The following PAWR variants were observed in gnomAD, a reference collection of about 807,000 sequenced individuals.
The protein encoded by PAWR is PRKC apoptosis WT1 regulator protein.
Under a neutral mutation model 32.0 loss-of-function variants are expected in PAWR, and 23 were observed. The observed-to-expected ratio is 0.72, with a 90% CI of 0.52 to 1.02. PAWR has a LOEUF of 1.02. Among genes scored for constraint, PAWR ranks in the 50% least tolerant of loss-of-function variants. The probability of loss-of-function intolerance (pLI) is 0.00; values close to 1 mark genes in which losing one functional copy is unlikely to be tolerated. For synonymous variants in PAWR, 226 were observed against 187.1 expected (o/e 1.21, Z -1.70); for missense variants, 457 against 437.7 (o/e 1.04, Z -0.39).
At chr12:79,611,249 A>ATT (rs1406254995) in intron 4 of PAWR, among the ~76,000 whole-genome samples, 2 of 146,462 alleles carry the variant, frequency 1.4e-5, no homozygotes, top group Non-Finnish European at 3.0e-5. Flanking sequence ...TACAGTATAT[A>ATT]TTATATATAT....
intron 2 of PAWR, among the ~76,000 whole-genome samples, chr12:79,638,188 T>C (rs1163634168): frequency 6.6e-6 from 1 of 152,082 alleles, no homozygotes; most frequent in Non-Finnish European, 1.5e-5. Context: ...TGTGTAAGAT[T>C]GGTCTCACCC....
chr12:79,643,127 C>T (rs1876409827), intron 2 of PAWR, among the ~76,000 whole-genome samples: 2 of 152,116 alleles, frequency 1.3e-5, no homozygotes, highest in African/African-American at 4.8e-5. Context: ...GTAACAAGAA[C>T]CACCATTTAT....
intron 2 of PAWR, among the ~76,000 whole-genome samples, chr12:79,665,816 G>A (rs1251376772): frequency 1.3e-5 from 2 of 152,118 alleles, no homozygotes; most frequent in South Asian, 2.1e-4. Flanking sequence ...AATTAGTTGA[G>A]TTTTATAAAA....
chr12:79,604,608 C>T, intron 4 of PAWR: 1 of 1,281,218 alleles, frequency 7.8e-7, no homozygotes, highest in South Asian at 1.3e-5. Flanking sequence ...TAACCAACAA[C>T]TACTTAACTG....
At chr12:79,664,213 G>C (rs1207851832) in intron 2 of PAWR, among the ~76,000 whole-genome samples, 17 of 152,052 alleles carry the variant, frequency 1.1e-4, no homozygotes, top group Admixed American at 1.1e-3. Flanking sequence ...CAAGGGTTGA[G>C]ACTGCAACTA....
intron 2 of PAWR, among the ~76,000 whole-genome samples, chr12:79,658,983 A>AG (rs1038210074): frequency 6.6e-6 from 1 of 151,946 alleles, no homozygotes; most frequent in African/African-American, 2.4e-5. Context: ...AAAAAAAAAA[A>AG]AAAAAGAAAA....
intron 2 of PAWR, among the ~76,000 whole-genome samples, chr12:79,638,473 C>T (rs1487361066): frequency 6.6e-6 from 1 of 151,946 alleles, no homozygotes; most frequent in Non-Finnish European, 1.5e-5. Flanking sequence ...CCCTGTGGTT[C>T]TATAAAAGAA....
intron 2 of PAWR, among the ~76,000 whole-genome samples, chr12:79,645,069 A>ACACACACACACACAC (rs1220453183): frequency 2.7e-3 from 341 of 124,790 alleles, no homozygotes; most frequent in East Asian, 3.8e-3. Context: ...CACACACACA[A>ACACACACACACACAC]AAATCAATGT....
At chr12:79,648,824 C>T (rs1179691296) in intron 2 of PAWR, among the ~76,000 whole-genome samples, 3 of 151,366 alleles carry the variant, frequency 2.0e-5, no homozygotes, top group Non-Finnish European at 4.4e-5. Flanking sequence ...CCTAAAAGGT[C>T]GTTTAGCAAT....
intron 2 of PAWR, among the ~76,000 whole-genome samples, chr12:79,657,738 G>A (rs1285790733): frequency 1.3e-5 from 2 of 151,802 alleles, no homozygotes; most frequent in Non-Finnish European, 2.9e-5. Context: ...AGCTTGCAGT[G>A]AGCCGAGATC....
At chr12:79,683,521 T>C (rs1219547957) in intron 2 of PAWR, among the ~76,000 whole-genome samples, 1 of 152,108 alleles carries the variant, frequency 6.6e-6, no homozygotes, top group African/African-American at 2.4e-5. Flanking sequence ...GCAAAAGTGA[T>C]ACTGGTAGAG....
chr12:79,593,701 GTTT>G (rs537217082), intron 6 of PAWR, among the ~76,000 whole-genome samples: 4 of 126,800 alleles, frequency 3.2e-5, no homozygotes, highest in Admixed American at 7.9e-5. Flanking sequence ...CAATTTTAGG[GTTT>G]TTTTTTTTTT....
At chr12:79,624,681 C>A (rs369537336) in intron 2 of PAWR, among the ~76,000 whole-genome samples, 21 of 152,250 alleles carry the variant, frequency 1.4e-4, no homozygotes, top group African/African-American at 5.1e-4. Context: ...GGGATAAATA[C>A]ATCTGGAGGA....
At chr12:79,627,518 A>C (rs1166979192) in intron 2 of PAWR, among the ~76,000 whole-genome samples, 8 of 152,088 alleles carry the variant, frequency 5.3e-5, no homozygotes, top group Non-Finnish European at 1.2e-4. Context: ...AGGTTGCAAA[A>C]ATTTTCTCCC....
chr12:79,625,798 C>T (rs1452063108), intron 2 of PAWR, among the ~76,000 whole-genome samples: 5 of 150,886 alleles, frequency 3.3e-5, no homozygotes, highest in South Asian at 2.1e-4. Context: ...CCAGCCTGGG[C>T]GACAGAGTGA....
chr12:79,609,784 C>T (rs148681698), intron 4 of PAWR, among the ~76,000 whole-genome samples: 163 of 152,290 alleles, frequency 1.1e-3, no homozygotes, highest in African/African-American at 3.2e-3. Context: ...GTCATACTGA[C>T]CCTCTGCTCT....
At position 79,645,069 on chromosome 12, in the gene PAWR, A is replaced by C. The variant is rs11114200; in HGVS notation, c.517-23862T>G. 2.5e-3 allele frequency among the ~76,000 whole-genome samples: 316 copies of C among 124,766 alleles called. 3 individuals carry two copies. The highest frequency in any genetic ancestry group is 3.8e-3 in the South Asian group (17 of 4,444). 81.9% of individuals were successfully genotyped at this position (124,766 alleles called of 152,430 possible). ...ACACACACACACACACACACACACA[A>C]AAATCAATGTGGAATAGGAAATGAG... On this transcript the variant is annotated intron_variant, in intron 2 of 6. Coordinates refer to ENST00000328827, the MANE Select transcript of PAWR (RefSeq NM_002583.4).
intron 3 of PAWR, among the ~76,000 whole-genome samples, chr12:79,618,369 T>A (rs180942709): frequency 6.6e-6 from 1 of 152,290 alleles, no homozygotes; most frequent in East Asian, 1.9e-4. Context: ...CATCAAGTGG[T>A]CCACCCACTT....
intron 2 of PAWR, among the ~76,000 whole-genome samples, chr12:79,662,037 A>G (rs1202558357): frequency 7.2e-5 from 11 of 152,168 alleles, no homozygotes; most frequent in African/African-American, 2.4e-4. Context: ...AATTCAGGGC[A>G]TATTACCTAA....
Sources: allele counts gnomAD v4.1 joint callset (sites outside exome capture counted in the v4.1 genomes callset), GRCh38; gene constraint gnomAD v4.1.1; transcripts MANE v1.5; gene names NCBI Gene and HGNC (gene_info 2026-07-23, HGNC 2026-07-21).